The following SF3B1 variants were observed in gnomAD, a reference collection of about 807,000 sequenced individuals.
SF3B1 encodes the protein pre-mRNA processing 10.
A neutral mutation model predicts 153.8 loss-of-function variants in SF3B1; 12 were observed. That is an observed-to-expected ratio of 0.08 (90% CI 0.05 to 0.13). The LOEUF (loss-of-function observed/expected upper bound fraction) is 0.13. SF3B1 is among the 10% of genes least tolerant of loss of function. SF3B1 has a pLI of 1.00. For synonymous variants in SF3B1, 498 were observed against 525.2 expected (o/e 0.95, Z 0.71); for missense variants, 513 against 1,606.1 (o/e 0.32, Z 11.63).
At chr2:197,416,559 C>T in intron 6 of SF3B1, 182 bp downstream of exon 6, 1 of 546,936 alleles carries the variant, frequency 1.8e-6, no homozygotes, top group South Asian at 2.7e-5. Context: ...CCTCAACAAA[C>T]ACCAACCCTG....
At chr2:197,405,510 C>T (rs1358690508) in intron 9 of SF3B1, 38 bp from the exon 10 acceptor site, 1 of 1,410,932 alleles carries the variant, frequency 7.1e-7, no homozygotes, top group East Asian at 2.4e-5. Context: ...ATTTTCTTAA[C>T]TTAAAAAACA....
Position 197,396,085 on chromosome 2 carries a change from T to C in SF3B1, c.3510A>G (p.Thr1170=). ...CCATTAAAGCATCTTCAAGTAACGGTGTTACGGCATAAATGTAGTCTTTTC... is the reference window on the plus strand; with the variant it reads ...CCATTAAAGCATCTTCAAGTAACGGCGTTACGGCATAAATGTAGTCTTTTC... ...EMGKDYIYAV[T]PLLEDALMDR... The change falls in exon 23 of 25, where the codon ACA becomes ACG. Residue 1170 remains threonine, a synonymous_variant. Coordinates refer to ENST00000335508, the MANE Select transcript of SF3B1 (RefSeq NM_012433.4). 4 of 1,613,672 alleles carry C rather than the reference T, an allele frequency of 2.5e-6. No homozygotes were observed. The highest frequency in any genetic ancestry group is 3.4e-6 in the Non-Finnish European group (4 of 1,179,644).
At chr2:197,429,061 T>C (rs1361470256) in intron 1 of SF3B1, among the ~76,000 whole-genome samples, 1 of 152,078 alleles carries the variant, frequency 6.6e-6, no homozygotes, top group Non-Finnish European at 1.5e-5. Context: ...CAATGAAGAC[T>C]TGAGGCAAAG....
At chr2:197,408,613 T>A (rs1287478725) in intron 7 of SF3B1, 32 bp from the exon 8 acceptor site, 1 of 1,317,628 alleles carries the variant, frequency 7.6e-7, no homozygotes, top group Non-Finnish European at 1.1e-6. Flanking sequence ...AAAACCACAA[T>A]TTTAATCACT....
At chr2:197,394,192 A>G (rs2084849056) in intron 23 of SF3B1, among the ~76,000 whole-genome samples, 1 of 152,180 alleles carries the variant, frequency 6.6e-6, no homozygotes, top group African/African-American at 2.4e-5. Flanking sequence ...CTCAAAAAAA[A>G]AAGAAAAATT....
intron 2 of SF3B1, among the ~76,000 whole-genome samples, chr2:197,423,107 C>T (rs964482452): frequency 6.6e-6 from 1 of 152,096 alleles, no homozygotes; most frequent in African/African-American, 2.4e-5. Flanking sequence ...AAATTCCAGG[C>T]TGGGCGCAGT....
chr2:197,395,606 AG>A (rs1409582253), intron 23 of SF3B1, among the ~76,000 whole-genome samples: 1 of 152,236 alleles, frequency 6.6e-6, no homozygotes, highest in Non-Finnish European at 1.5e-5. Context: ...CTGAAACACC[AG>A]GGACCTGCAA....
rs547776968 is a variant in SF3B1, at chr2:197,410,154, G to A, written c.667-147C>T. ...TTAGAAGACACTACCTCTACTTATA[G>A]GAAAAGATACCTACTTTCTAGCAAA... On this transcript the variant is annotated intron_variant, in intron 6 of 24. Coordinates refer to ENST00000335508, the MANE Select transcript of SF3B1 (RefSeq NM_012433.4). 7.3e-5 allele frequency: 41 copies of A among 558,274 alleles called. No individual in the cohort carries two copies. The South Asian group carries it at 1.1e-3, about 14-fold the overall frequency. The allele number at this position is 558,274 out of a possible 1,614,324, so 34.6% of individuals were successfully genotyped here.
At position 197,393,104 on chromosome 2, in the gene SF3B1, C is replaced by G. The variant is rs1250501961; in HGVS notation, c.3624G>C (p.Leu1208=). 3.1e-6 allele frequency: 5 copies of G among 1,613,734 alleles called. No homozygotes were observed. Among genetic ancestry groups the G allele is most frequent in the Non-Finnish European group, 4.2e-6 (5 of 1,179,742 alleles). The stretch of plus-strand genomic sequence containing the variant: ...GCCATACATAGTTCAACAAGTGATT[C>G]AGCGAATCTTCACAACCAAATCCAT... The part of the protein sequence containing the change: ...GVYGFGCEDS[L]NHLLNYVWPN... Residue 1208 remains leucine (L), a synonymous_variant, in exon 24 of 25, where the codon CTG becomes CTC. Coordinates refer to ENST00000335508, the MANE Select transcript of SF3B1 (RefSeq NM_012433.4).
chr2:197,407,606 TAAAAAAA>T (rs143335876), intron 9 of SF3B1, among the ~76,000 whole-genome samples: 34 of 132,452 alleles, frequency 2.6e-4, no homozygotes, highest in African/African-American at 9.0e-4. Flanking sequence ...CTCCATCTTT[TAAAAAAA>T]AAAAAAAAAA....
intron 6 of SF3B1, among the ~76,000 whole-genome samples, chr2:197,415,806 G>C (rs1039157810): frequency 6.6e-6 from 1 of 151,700 alleles, no homozygotes; most frequent in Non-Finnish European, 1.5e-5. Flanking sequence ...AGATGCCATC[G>C]TTTTGTTTTT....
chr2:197,408,145 T>C (rs774397699), intron 8 of SF3B1, 26 bp from the exon 9 acceptor site: 54 of 1,571,940 alleles, frequency 3.4e-5, no homozygotes, highest in Middle Eastern at 3.3e-4. Context: ...AATTTTTATA[T>C]AATCTATAGT....
At chr2:197,420,166 T>TA in intron 4 of SF3B1, 2 of 384,834 alleles carry the variant, frequency 5.2e-6, no homozygotes. Context: ...AAAACAAAAG[T>TA]AAAAGTAAAA....
In SF3B1 at chr2:197,402,920, T is replaced by C. The variant is rs2084950269; in HGVS notation, c.1806+29A>G. ...ATCAATTCCATAAACAGATATAAAT[T>C]TTCTTCTCTAGAAATTAAATGTAAA... On this transcript the variant is annotated intron_variant, in intron 13 of 24. Coordinates refer to ENST00000335508, the MANE Select transcript of SF3B1 (RefSeq NM_012433.4). This position sits in a 1 kb window ranked among gnomAD's most constrained non-coding sequence, Gnocchi z 4.6. 1 of 1,608,718 alleles carries C rather than the reference T, an allele frequency of 6.2e-7. No homozygotes were observed. The highest frequency in any genetic ancestry group is 2.2e-5 in the East Asian group (1 of 44,854).
At chr2:197,418,828 A>C (rs1037246515) in intron 4 of SF3B1, 56 of 1,512,724 alleles carry the variant, frequency 3.7e-5, no homozygotes, top group Non-Finnish European at 3.4e-5. Flanking sequence ...ATATAAAAAC[A>C]AAATGACAGC....
At chr2:197,433,039 A>C (rs1295266753) in intron 1 of SF3B1, among the ~76,000 whole-genome samples, 1 of 152,206 alleles carries the variant, frequency 6.6e-6, no homozygotes, top group Non-Finnish European at 1.5e-5. Flanking sequence ...GCACTGCCCC[A>C]AAAAGCATTA....
At position 197,418,542 on chromosome 2, in the gene SF3B1, A is replaced by G. The variant is rs151054475; in HGVS notation, c.462T>C (p.Asp154=). 110 of 1,612,862 alleles carry G rather than the reference A, an allele frequency of 6.8e-5. 1 individual carries two copies. The highest frequency in any genetic ancestry group is 1.4e-5 in the Non-Finnish European group (17 of 1,179,188). Residue 154 remains aspartate (D), a synonymous_variant, in exon 5 of 25, where the codon GAT becomes GAC. Coordinates refer to ENST00000335508, the MANE Select transcript of SF3B1 (RefSeq NM_012433.4). ...TAGTCAAGTGTTGTTCTCGCATTAC[A>G]TCCATGTAAGTCCTAGCATTCATTT... The part of the protein sequence containing the change: ...DPKMNARTYM[D]VMREQHLTKE...
intron 5 of SF3B1, among the ~76,000 whole-genome samples, chr2:197,417,268 A>C (rs1190488427): frequency 6.6e-6 from 1 of 152,240 alleles, no homozygotes; most frequent in African/African-American, 2.4e-5. Flanking sequence ...CTATGGAACA[A>C]GATAGAAAAA....
chr2:197,410,669 C>G (rs1018739595), intron 6 of SF3B1, among the ~76,000 whole-genome samples: 1 of 151,846 alleles, frequency 6.6e-6, no homozygotes, highest in African/African-American at 2.4e-5. Context: ...CCACGCCGGG[C>G]TAATTTTTGT....
Sources: gnomAD v4.1 joint callset for allele counts (sites outside exome capture counted in the v4.1 genomes callset) on GRCh38, gnomAD v4.1.1 for gene constraint, Gnocchi (gnomAD v3.1) non-coding constraint, MANE v1.5 for transcripts, NCBI Gene and HGNC (gene_info 2026-07-23, HGNC 2026-07-21) for gene names.